The following SYNE1 variants were observed in gnomAD, a reference collection of about 807,000 sequenced individuals.
SYNE1 encodes the protein nesprin-1.
A neutral mutation model predicts 1,111.0 loss-of-function variants in SYNE1; 616 were observed. The ratio of observed to expected loss-of-function variants is 0.55; its 90% confidence interval spans 0.52 to 0.59. The LOEUF (loss-of-function observed/expected upper bound fraction) is 0.59, where lower values mean the gene tolerates loss of function less well. Ranked by LOEUF, SYNE1 falls within the 20% of genes least tolerant of loss-of-function variation. SYNE1 has a pLI of 0.00. For synonymous variants in SYNE1, 3,855 were observed against 3,825.8 expected, an observed-to-expected ratio of 1.01 and a Z score of -0.28; for missense variants, 10,006 against 10,417.0, an observed-to-expected ratio of 0.96 and a Z score of 1.72.
chr6:152,244,804 G>T, intron 105 of SYNE1, 148 bp from the exon 106 acceptor site: 1 of 1,127,280 alleles, frequency 8.9e-7, no homozygotes, highest in East Asian at 2.5e-5. Context: ...AAAACAAATC[G>T]AAAGCCATGT....
Position 152,325,099 on chromosome 6 carries a change from C to G in SYNE1, c.15642G>C (p.Thr5214=), listed in dbSNP as rs58030828. Reference sequence around the variant, plus strand: ...TGGAAACTACCTTGTTGTTAAAGCCCGTCCACTCATCCACTGCATCTTCCA... The same window carrying G: ...TGGAAACTACCTTGTTGTTAAAGCCGGTCCACTCATCCACTGCATCTTCCA... ...KILEDAVDEW[T]GFNNKVKKAT... is the part of the protein sequence containing the mutation. Residue 5214 remains threonine (T), a synonymous_variant, in exon 81 of 146, where the codon ACG becomes ACC. Transcript: ENST00000367255. 3.1e-6 allele frequency: 5 copies of G among 1,613,980 alleles called. No homozygotes were observed. The highest frequency in any genetic ancestry group is 2.2e-5 in the East Asian group (1 of 44,892).
At chr6:152,505,023 A>T (rs2099050275) in intron 9 of SYNE1, among the ~76,000 whole-genome samples, 178 bp downstream of exon 9, 1 of 152,188 alleles carries the variant, frequency 6.6e-6, no homozygotes, top group Non-Finnish European at 1.5e-5. Context: ...TTTTACCCCA[A>T]CCATGGTGGT....
At chr6:152,375,559 G>A (rs2097265064) in intron 58 of SYNE1, among the ~76,000 whole-genome samples, 1 of 152,112 alleles carries the variant, frequency 6.6e-6, no homozygotes, top group Non-Finnish European at 1.5e-5. Context: ...ATGTGAATTA[G>A]CACCATGAAG....
chr6:152,252,869 AGT>A (rs1338717056), intron 104 of SYNE1, among the ~76,000 whole-genome samples: 1 of 152,262 alleles, frequency 6.6e-6, no homozygotes, highest in Non-Finnish European at 1.5e-5. Context: ...CTTAAAACAA[AGT>A]AAGTTCCAGA....
At chr6:152,265,298 A>C (rs768432352) in intron 100 of SYNE1, among the ~76,000 whole-genome samples, 1 of 152,096 alleles carries the variant, frequency 6.6e-6, no homozygotes, top group Non-Finnish European at 1.5e-5. Context: ...TGGGTGAATA[A>C]ATTATGTTCA....
intron 21 of SYNE1, 104 bp from the exon 22 acceptor site, chr6:152,459,034 T>A (rs1333175775): frequency 1.0e-6 from 1 of 981,504 alleles, no homozygotes; most frequent in Non-Finnish European, 1.6e-6. Flanking sequence ...GACATGATCA[T>A]TTGGTGCTTA....
Position 152,430,147 on chromosome 6 carries a change from C to G in SYNE1, c.4753G>C (p.Ala1585Pro), listed in dbSNP as rs370847763. 9 of 1,603,972 alleles carry G rather than the reference C, an allele frequency of 5.6e-6. No homozygotes were observed. Among genetic ancestry groups the G allele is most frequent in the Non-Finnish European group, 7.7e-6 (9 of 1,173,406 alleles). Residue 1585 changes from alanine to proline, a missense_variant, in exon 36 of 146, where the codon GCT becomes CCT. Physicochemically the swap from Ala to Pro is conservative, Grantham distance 27. Around this residue, in one of 7 missense-constraint regions of SYNE1, gnomAD observed 1,971 missense variants for 2,084.1 expected, o/e 0.95. Coordinates refer to ENST00000367255, the MANE Select transcript of SYNE1 (RefSeq NM_182961.4). ...TGAAGAACTTTGTATGTTTCTGTAG[C>G]TGAAGAACATATTTTAATTGGAACA... ...LAVPIKICSS[A>P]TETYKVLQEH...
rs753719563 is a variant in SYNE1, at chr6:152,505,329, A to G, written c.650T>C (p.Ile217Thr). 1.9e-6 allele frequency: 3 copies of G among 1,614,156 alleles called. No individual in the cohort carries two copies. The highest frequency in any genetic ancestry group is 2.5e-6 in the Non-Finnish European group (3 of 1,180,018). ...CACCAATTCCGGTCGAATGGCATGA[A>G]TAACTGAATGAAAGGCAACCCCGCT... ...WRSGVAFHSV[I>T]HAIRPELVDL... is the part of the protein sequence containing the mutation. Residue 217 changes from isoleucine (I) to threonine (T), a missense_variant, in exon 9 of 146, where the codon ATT becomes ACT. Physicochemically the swap from Ile to Thr is moderately conservative, Grantham distance 89 (BLOSUM62 -1). Transcript: ENST00000367255.
At chr6:152,521,908 A>G (rs2099141738) in intron 5 of SYNE1, among the ~76,000 whole-genome samples, 1 of 152,114 alleles carries the variant, frequency 6.6e-6, no homozygotes, top group African/African-American at 2.4e-5. Flanking sequence ...CTTATTGAAT[A>G]ATTGTTTTCC....
intron 3 of SYNE1, among the ~76,000 whole-genome samples, chr6:152,578,176 T>G (rs2099507557): frequency 6.6e-6 from 1 of 152,238 alleles, no homozygotes; most frequent in Non-Finnish European, 1.5e-5. Flanking sequence ...AAAAAGTTTT[T>G]AAATTATGAA....
Position 152,350,267 on chromosome 6 carries a change from G to A in SYNE1, c.11802C>T (p.Val3934=), listed in dbSNP as rs762281396. 1.2e-5 allele frequency: 20 copies of A among 1,614,094 alleles called. 1 individual carries two copies. The highest frequency in any genetic ancestry group is 1.1e-4 in the East Asian group (5 of 44,864). The stretch of plus-strand genomic sequence containing the variant: ...CAGACATCTGCAGCAGCCACTTTTC[G>A]ACCTCTTGGAGCTCACTGTTGTAGT... ...HEDYNSELQE[V]EKWLLQMSGR... is the part of the protein sequence containing the mutation. The change falls in exon 72 of 146, where the codon GTC becomes GTT. Residue 3934 remains valine, a synonymous_variant. Transcript: ENST00000367255.
intron 6 of SYNE1, among the ~76,000 whole-genome samples, chr6:152,514,606 C>A (rs538551154): frequency 2.8e-4 from 42 of 151,314 alleles, no homozygotes; most frequent in Non-Finnish European, 5.4e-4. Flanking sequence ...GCACATGTAT[C>A]CCAGAACTTA....
At chr6:152,403,169 G>A (rs1433360840) in intron 46 of SYNE1, among the ~76,000 whole-genome samples, 2 of 152,152 alleles carry the variant, frequency 1.3e-5, no homozygotes, top group Admixed American at 6.5e-5. Context: ...CTAAAGGGAT[G>A]CAGCAGAAAC....
At chr6:152,145,322 G>A (rs1387636188) in intron 137 of SYNE1, 1 of 693,434 alleles carries the variant, frequency 1.4e-6, no homozygotes, top group African/African-American at 1.8e-5. Context: ...CTTATTCTTG[G>A]TGTGGATTTA....
At chr6:152,407,785 G>A (rs1436895022) in intron 44 of SYNE1, among the ~76,000 whole-genome samples, 3 of 141,178 alleles carry the variant, frequency 2.1e-5, no homozygotes, top group African/African-American at 2.7e-5. Flanking sequence ...TTTTTGAGAC[G>A]GAATCTCACT....
chr6:152,286,231 C>T (rs73007770), intron 95 of SYNE1, among the ~76,000 whole-genome samples: 1,530 of 152,244 alleles, frequency 0.01, 19 homozygotes, highest in Non-Finnish European at 0.016. Context: ...GCTGCTGCTA[C>T]CCAGATCAAG....
rs371940283 is a variant in SYNE1 at position 152,584,164 on chromosome 6, T to C, written c.67+44101A>G. Among the ~76,000 whole-genome samples the C allele has an allele frequency of 8.5e-5, 13 of 152,252 alleles. No homozygotes were observed. In the East Asian group the frequency reaches 2.5e-3, roughly 29 times the overall value. On this transcript the variant is annotated intron_variant, in intron 3 of 145. Transcript: ENST00000367255. Reference sequence around the variant, plus strand: ...TCGGGGAGCACAATAATTAAAGTTTTCCTTAGGGTTCTGGTGAGATTTAAA... The same window carrying C: ...TCGGGGAGCACAATAATTAAAGTTTCCCTTAGGGTTCTGGTGAGATTTAAA...
chr6:152,326,663 A>C (rs1463305807), intron 78 of SYNE1, 30 bp from the exon 79 acceptor site: 1 of 1,594,608 alleles, frequency 6.3e-7, no homozygotes, highest in Non-Finnish European at 8.6e-7. Flanking sequence ...AACATAATCA[A>C]CTCTCCTTTG....
intron 98 of SYNE1, among the ~76,000 whole-genome samples, chr6:152,274,032 G>A (rs1452902567): frequency 6.6e-6 from 1 of 152,124 alleles, no homozygotes; most frequent in East Asian, 1.9e-4. Context: ...CTTTATTTTA[G>A]CTTCTTTAGA....
Sources: allele counts gnomAD v4.1 joint callset (sites outside exome capture counted in the v4.1 genomes callset), GRCh38; gene constraint gnomAD v4.1.1; regional missense constraint gnomAD v4.1.1; transcripts MANE v1.5; gene names NCBI Gene and HGNC (gene_info 2026-07-23, HGNC 2026-07-21).